MIB1: variants seen among roughly 807,000 people sequenced by gnomAD.
MIB1 encodes the protein E3 ubiquitin-protein ligase MIB1.
In MIB1, 278 loss-of-function variants were observed where a neutral mutation model predicts 124.5. That is an observed-to-expected ratio of 2.23 (90% confidence interval 2.02 to 2.47). MIB1 has a LOEUF of 2.47. Among genes scored for constraint, MIB1 ranks in the 30% most tolerant of loss-of-function variants. The probability of loss-of-function intolerance (pLI) is 0.00; values close to 1 mark genes in which losing one functional copy is unlikely to be tolerated. For missense variants in MIB1, 957 were observed against 1,254.4 expected, an observed-to-expected ratio of 0.76 and a Z score of 3.58; for synonymous variants, 446 against 429.4, an observed-to-expected ratio of 1.04 and a Z score of -0.48.
chr18:21,808,662 C>G (rs1234520627), intron 10 of MIB1, among the ~76,000 whole-genome samples: 2 of 152,056 alleles, frequency 1.3e-5, no homozygotes, highest in African/African-American at 4.8e-5. Flanking sequence ...ATATATTGAC[C>G]TACTGAATTC....
chr18:21,775,264 G>T (rs2041270827), intron 4 of MIB1, among the ~76,000 whole-genome samples: 1 of 151,996 alleles, frequency 6.6e-6, no homozygotes, highest in Non-Finnish European at 1.5e-5. Context: ...TTTAGAGACA[G>T]GGTCTTGCTC....
intron 1 of MIB1, 79 bp from the exon 2 acceptor site, chr18:21,765,693 T>G: frequency 7.1e-7 from 1 of 1,398,846 alleles, no homozygotes; most frequent in Non-Finnish European, 9.8e-7. Context: ...TGTTCTGTTC[T>G]TATTTTTTTC....
rs1445520953 is a variant in MIB1, at chr18:21,817,065, C to T, written c.1677+1252C>T. On this transcript the variant is annotated intron_variant, in intron 11 of 20. Coordinates refer to ENST00000261537, the MANE Select transcript of MIB1 (RefSeq NM_020774.4). Reference sequence around the variant, plus strand: ...TTCCAATCATGTTAGAAGCCCGTTTCAGGTTGAACACTACAGATTTTTAGT... The same window carrying T: ...TTCCAATCATGTTAGAAGCCCGTTTTAGGTTGAACACTACAGATTTTTAGT... Among the ~76,000 whole-genome samples the T allele has an allele frequency of 2.0e-5, 3 of 150,294 alleles. No individual in the cohort carries two copies. In the East Asian group the frequency reaches 5.9e-4, roughly 29 times the overall value.
rs932238271 is a variant in MIB1 at position 21,865,289 on chromosome 18, C to T, written c.*623C>T. ...AATGACTTTGCATTTCTCTTGTTTT[C>T]TAGATTCAAAAGGAACATTGTTTAA... On this transcript the variant is annotated 3_prime_UTR_variant, in exon 21 of 21. Coordinates refer to ENST00000261537, the MANE Select transcript of MIB1 (RefSeq NM_020774.4). 6.6e-6 allele frequency: 1 copy of T among 151,720 alleles called. No homozygotes were observed. Among genetic ancestry groups the T allele is most frequent in the East Asian group, 1.9e-4 (1 of 5,180 alleles). The allele number at this position is 151,720 out of a possible 1,614,324, so 9.4% of individuals were successfully genotyped here.
At chr18:21,737,344 T>C (rs910899230), upstream of MIB1, among the ~76,000 whole-genome samples, 4 of 152,146 alleles carry the variant, frequency 2.6e-5, no homozygotes, top group African/African-American at 4.8e-5. Context: ...AGAGATTTTG[T>C]CACCACCAGG....
chr18:21,740,523 A>G (rs959806449), upstream of MIB1, among the ~76,000 whole-genome samples: 8 of 152,390 alleles, frequency 5.2e-5, no homozygotes, highest in Admixed American at 3.9e-4. Flanking sequence ...CCTAATTCAC[A>G]TTTAGTTCGC....
chr18:21,757,190 G>A (rs554782833), intron 1 of MIB1, among the ~76,000 whole-genome samples: 3 of 151,806 alleles, frequency 2.0e-5, no homozygotes, highest in East Asian at 2.0e-4. Context: ...GGTGGCTCAC[G>A]CCTGTAATCC....
At chr18:21,825,460 A>G (rs1379227955) in intron 12 of MIB1, 1 of 286,952 alleles carries the variant, frequency 3.5e-6, no homozygotes, top group Non-Finnish European at 6.8e-6. Context: ...TCTGAAGGAT[A>G]AGAAATTTAA....
chr18:21,791,385 A>G lies in MIB1; in HGVS notation c.920A>G (p.Asn307Ser), dbSNP rs2041501272. ...CTTTGCTCTTGTAGGTGGACCTTCA[A>G]TCCTGCTGTTCTCACTAAAGCGAAC... is the stretch of plus-strand genomic sequence containing the variant. ...QYPSGNRWTF[N>S]PAVLTKANIV... Residue 307 changes from asparagine (N) to serine (S), a missense_variant, in exon 7 of 21, where the codon AAT becomes AGT. Physicochemically the swap from Asn to Ser is conservative, Grantham distance 46. Coordinates refer to ENST00000261537, the MANE Select transcript of MIB1 (RefSeq NM_020774.4). 2 of 1,609,904 alleles carry G rather than the reference A, an allele frequency of 1.2e-6. No individual in the cohort carries two copies. Among genetic ancestry groups the G allele is most frequent in the Non-Finnish European group, 1.7e-6 (2 of 1,178,044 alleles).
intron 12 of MIB1, among the ~76,000 whole-genome samples, chr18:21,835,801 C>CCCCACACACACA (rs2042023389): frequency 9.8e-6 from 1 of 101,586 alleles, no homozygotes; most frequent in Non-Finnish European, 1.8e-5. Context: ...ATATATATAT[C>CCCCACACACACA]CACACACACA....
At chr18:21,828,278 C>A (rs972109553) in intron 12 of MIB1, 1 of 151,814 alleles carries the variant, frequency 6.6e-6, no homozygotes, top group Non-Finnish European at 1.5e-5. Context: ...TAGTCTGTTA[C>A]CAATATACCC....
At chr18:21,817,890 A>G in intron 11 of MIB1, 1 of 247,072 alleles carries the variant, frequency 4.0e-6, no homozygotes, top group Non-Finnish European at 8.2e-6. Context: ...CAACTGTAGT[A>G]TATGCTGTAG....
At chr18:21,749,946 C>T (rs1287267732) in intron 1 of MIB1, among the ~76,000 whole-genome samples, 1 of 151,888 alleles carries the variant, frequency 6.6e-6, no homozygotes, top group Non-Finnish European at 1.5e-5. Context: ...CTGGCTGCTA[C>T]CTTACTTTTT....
chr18:21,768,670 G>T lies in MIB1; in HGVS notation c.449G>T (p.Gly150Val). The change falls in exon 3 of 21, where the codon GGA becomes GTA. Residue 150 changes from glycine (G) to valine (V), a missense_variant. Coordinates refer to ENST00000261537, the MANE Select transcript of MIB1 (RefSeq NM_020774.4). The part of the protein sequence containing the change: ...RRKSKKITAR[G>V]IFAGARVVRG... ...AAATCTAAGAAGATTACAGCCAGAG[G>T]AATCTTTGCAGGTGCCAGAGTGGTG... 6.2e-7 allele frequency: 1 copy of T among 1,603,520 alleles called. No homozygotes were observed. The highest frequency in any genetic ancestry group is 8.5e-7 in the Non-Finnish European group (1 of 1,174,358).
intron 1 of MIB1, among the ~76,000 whole-genome samples, chr18:21,749,976 A>AT (rs927113822): frequency 3.0e-4 from 43 of 144,774 alleles, no homozygotes; most frequent in East Asian, 4.0e-4. Flanking sequence ...GTTTTCTTGT[A>AT]TTTTTTTTTT....
chr18:21,860,301 G>T (rs1432655619), intron 20 of MIB1, among the ~76,000 whole-genome samples: 4 of 151,204 alleles, frequency 2.6e-5, no homozygotes, highest in Non-Finnish European at 5.9e-5. Flanking sequence ...GGGATTTGCC[G>T]TGTTTTCCAG....
chr18:21,740,662 G>C (rs569974870), upstream of MIB1, among the ~76,000 whole-genome samples: 7 of 152,254 alleles, frequency 4.6e-5, no homozygotes, highest in South Asian at 1.5e-3. Context: ...TTTCCTCATA[G>C]CTCATTGGGC....
intron 12 of MIB1, chr18:21,827,754 C>CA (rs2146488304): frequency 6.6e-6 from 1 of 152,108 alleles, no homozygotes; most frequent in African/African-American, 2.4e-5. Context: ...ATGTGTAAGT[C>CA]ATTCTCATTC....
intron 11 of MIB1, among the ~76,000 whole-genome samples, chr18:21,816,440 T>A (rs2041830193): frequency 6.6e-6 from 1 of 152,246 alleles, no homozygotes; most frequent in Non-Finnish European, 1.5e-5. Context: ...CCTGTTTGAT[T>A]AAAGTTTCTA....
Sources: gnomAD v4.1 joint callset for allele counts (sites outside exome capture counted in the v4.1 genomes callset) on GRCh38, gnomAD v4.1.1 for gene constraint, MANE v1.5 for transcripts, NCBI Gene and HGNC (gene_info 2026-07-23, HGNC 2026-07-21) for gene names.